Variants in STK3 observed in about 807,000 individuals in gnomAD.
STK3 encodes serine/threonine-protein kinase 3.
Under a neutral mutation model 58.0 loss-of-function variants are expected in STK3, and 41 were observed. The ratio of observed to expected loss-of-function variants is 0.71; its 90% CI spans 0.55 to 0.92. The LOEUF (loss-of-function observed/expected upper bound fraction) is 0.92. Among genes scored for constraint, STK3 ranks in the 40% least tolerant of loss-of-function variants. The pLI is 0.00. For synonymous variants in STK3, 170 were observed against 191.0 expected (o/e 0.89, Z 0.91); for missense variants, 479 against 602.7 (o/e 0.79, Z 2.15).
rs547118456 is a variant in STK3 at position 98,579,786 on chromosome 8, G to T, written c.826C>A (p.Pro276Thr). The T allele has an allele frequency of 8.3e-6, 13 of 1,566,558 alleles. No homozygotes were observed. The East Asian group carries it at 2.8e-4, about 34-fold the overall frequency. Reference sequence around the variant, plus strand: ...ACAGGTTTGGCATTCTTGATAAAAGGATGCTAAAAAAGTAAAATTCAATGG... The same window carrying T: ...ACAGGTTTGGCATTCTTGATAAAAGTATGCTAAAAAAGTAAAATTCAATGG... Reference protein sequence around the residue: ...RATATQLLQHPFIKNAKPVSI... With the variant: ...RATATQLLQHTFIKNAKPVSI... Residue 276 changes from proline (P) to threonine (T), a missense_variant, in exon 8 of 11, where the codon CCT (proline) becomes ACT (threonine). By Grantham distance (38) the Pro-to-Thr change is conservative (BLOSUM62 -1). Around this residue, in one of 3 missense-constraint regions of STK3, gnomAD observed 309 missense variants for 355.7 expected, o/e 0.87. Coordinates refer to ENST00000419617, the MANE Select transcript of STK3 (RefSeq NM_006281.4).
At chr8:98,775,530 T>C (rs1250322310) in intron 1 of STK3, among the ~76,000 whole-genome samples, 1 of 152,212 alleles carries the variant, frequency 6.6e-6, no homozygotes, top group Non-Finnish European at 1.5e-5. Context: ...TTTTTTTGCT[T>C]ATTCTCTGCT....
chr8:98,419,396 C>G (rs1234009200), intron 3 of STK3, among the ~76,000 whole-genome samples: 4 of 152,154 alleles, frequency 2.6e-5, no homozygotes, highest in Non-Finnish European at 4.4e-5. Context: ...CCTAAAATCC[C>G]TCACTACATT....
chr8:98,685,855 A>T (rs570324711), intron 6 of STK3, among the ~76,000 whole-genome samples: 1 of 152,130 alleles, frequency 6.6e-6, no homozygotes, highest in Non-Finnish European at 1.5e-5. Flanking sequence ...ATGAAAAGAC[A>T]ACAGTAGGAA....
chr8:98,471,162 C>T (rs1456472808), intron 10 of STK3, among the ~76,000 whole-genome samples: 2 of 151,962 alleles, frequency 1.3e-5, no homozygotes, highest in Non-Finnish European at 2.9e-5. Flanking sequence ...TCAATGGTAT[C>T]GGAAACTGAG....
intron 1 of STK3, among the ~76,000 whole-genome samples, chr8:98,775,266 A>G (rs1273942259): frequency 6.6e-6 from 1 of 152,170 alleles, no homozygotes; most frequent in Non-Finnish European, 1.5e-5. Flanking sequence ...GATACCCACA[A>G]TGGAAAATGC....
intron 10 of STK3, among the ~76,000 whole-genome samples, chr8:98,499,664 G>A (rs1823419349): frequency 1.3e-5 from 2 of 152,164 alleles, no homozygotes; most frequent in South Asian, 4.1e-4. Context: ...TATAAACACA[G>A]TAAAGATGGT....
chr8:98,513,929 G>C (rs2131417285), intron 10 of STK3, among the ~76,000 whole-genome samples: 1 of 152,202 alleles, frequency 6.6e-6, no homozygotes, highest in Non-Finnish European at 1.5e-5. Flanking sequence ...GATAAAGGAA[G>C]CCAAGATAAA....
At chr8:98,584,815 A>C (rs1385799748) in intron 7 of STK3, among the ~76,000 whole-genome samples, 3 of 148,906 alleles carry the variant, frequency 2.0e-5, no homozygotes, top group Non-Finnish European at 4.5e-5. Context: ...ATGGTATCTC[A>C]TTGTGGTTTT....
chr8:98,684,220 T>C (rs150752771), intron 6 of STK3, among the ~76,000 whole-genome samples: 2,592 of 152,230 alleles, frequency 0.017, 30 homozygotes, highest in South Asian at 0.032. Flanking sequence ...TTGCTTCCAG[T>C]AGAGGCTGCA....
chr8:98,727,225 A>C (rs1191042958), intron 4 of STK3, among the ~76,000 whole-genome samples: 2 of 152,222 alleles, frequency 1.3e-5, no homozygotes, highest in Non-Finnish European at 2.9e-5. Context: ...TGACCCACGC[A>C]GAGGCACAAG....
At chr8:98,910,485 A>G (rs1839085652) in intron 1 of STK3, among the ~76,000 whole-genome samples, 1 of 152,232 alleles carries the variant, frequency 6.6e-6, no homozygotes, top group African/African-American at 2.4e-5. Flanking sequence ...TTGTTATTCA[A>G]AACAAAATAT....
At chr8:98,588,866 A>G (rs1265269739) in intron 7 of STK3, among the ~76,000 whole-genome samples, 1 of 151,184 alleles carries the variant, frequency 6.6e-6, no homozygotes, top group Non-Finnish European at 1.5e-5. Context: ...CATTGCTGAT[A>G]CCCTTTCTTC....
At position 98,753,632 on chromosome 8, in the gene STK3, A is replaced by AAAAT. The variant is rs539606396; in HGVS notation, c.237-4246_237-4243dup. ...ACCTCTGAACTTAAAATAAAAGTTA[A>AAAAT]AAATAAATAAATAAATAAATAATAA... is the stretch of plus-strand genomic sequence containing the variant. On this transcript the variant is annotated intron_variant, in intron 3 of 10. Coordinates refer to ENST00000419617, the MANE Select transcript of STK3 (RefSeq NM_006281.4). 3.0e-3 allele frequency among the ~76,000 whole-genome samples: 462 copies of AAAAT among 152,290 alleles called. 3 individuals carry two copies. Among genetic ancestry groups the AAAAT allele is most frequent in the South Asian group, 8.3e-3 (40 of 4,830 alleles).
chr8:98,407,741 T>C lies in STK3; in HGVS notation n.484-6228A>G, dbSNP rs945862265. On this transcript the variant is annotated intron_variant and non_coding_transcript_variant, in intron 3 of 3. Coordinates refer to the STK3 transcript ENST00000517832. ...GTGTGTGTGTGTGTGTGTGTGTGTG[T>C]GTGTGTGTGTGTGTGTGCGCGCGCG... is the stretch of plus-strand genomic sequence containing the variant. Among the ~76,000 whole-genome samples the C allele has an allele frequency of 3.4e-3, 501 of 149,374 alleles. 5 individuals carry two copies. The highest frequency in any genetic ancestry group is 6.3e-3 in the Non-Finnish European group (424 of 67,342).
intron 1 of STK3, among the ~76,000 whole-genome samples, chr8:98,893,486 G>GAAAGAGAAAGAAAGAAAGAA (rs776247646): frequency 4.6e-5 from 2 of 43,020 alleles, no homozygotes; most frequent in Non-Finnish European, 8.6e-5. Flanking sequence ...AAGAAAGAAA[G>GAAAGAGAAAGAAAGAAAGAA]AGAAAGAAAG....
At chr8:98,386,702 G>A (rs182177391) in intron 1 of STK3, among the ~76,000 whole-genome samples, 9 of 152,200 alleles carry the variant, frequency 5.9e-5, no homozygotes, top group African/African-American at 1.4e-4. Context: ...AAATGCCAGC[G>A]GGCATGGTGG....
intron 3 of STK3, among the ~76,000 whole-genome samples, chr8:98,394,043 T>G (rs188077361): frequency 1.1e-3 from 174 of 152,234 alleles, no homozygotes; most frequent in African/African-American, 3.4e-3. Flanking sequence ...AGTCAATGGA[T>G]AGAGACAGGA....
chr8:98,375,587 A>T (rs1194461012), intron 2 of STK3, among the ~76,000 whole-genome samples: 1 of 152,024 alleles, frequency 6.6e-6, no homozygotes, highest in Non-Finnish European at 1.5e-5. Context: ...ATCCCTGGAA[A>T]CCACTGATCT....
At chr8:98,576,476 T>C (rs950182071) in intron 8 of STK3, among the ~76,000 whole-genome samples, 3 of 152,210 alleles carry the variant, frequency 2.0e-5, no homozygotes, top group African/African-American at 7.2e-5. Flanking sequence ...AATCTGTGAA[T>C]TGATTTGAGG....
Sources: allele counts gnomAD v4.1 joint callset (sites outside exome capture counted in the v4.1 genomes callset), GRCh38; gene constraint gnomAD v4.1.1; regional missense constraint gnomAD v4.1.1; transcripts MANE v1.5; gene names NCBI Gene and HGNC (gene_info 2026-07-23, HGNC 2026-07-21).